The following ZDHHC13 variants were observed in gnomAD, a reference collection of about 807,000 sequenced individuals.
The protein encoded by ZDHHC13 is zDHHC palmitoyltransferase 13.
In ZDHHC13, 85 loss-of-function variants were observed where a neutral mutation model predicts 86.0. That is an observed-to-expected ratio of 0.99 (90% CI 0.83 to 1.18). ZDHHC13 has a LOEUF of 1.18. Among genes scored for constraint, ZDHHC13 ranks in the 50% most tolerant of loss-of-function variants. The pLI is 0.00. For missense variants in ZDHHC13, 711 were observed against 730.2 expected (o/e 0.97, Z 0.30); for synonymous variants, 263 against 246.4 (o/e 1.07, Z -0.63).
rs1850363843 is a variant in ZDHHC13 at position 19,176,359 on chromosome 11, TA to T, written c.*400del. 6.5e-6 allele frequency: 1 copy of T among 153,274 alleles called. No homozygotes were observed. The highest frequency in any genetic ancestry group is 1.5e-5 in the Non-Finnish European group (1 of 68,536). 9.5% of individuals were successfully genotyped at this position (153,274 alleles called of 1,614,324 possible). On this transcript the variant is annotated 3_prime_UTR_variant, in exon 17 of 17. Coordinates refer to ENST00000446113, the MANE Select transcript of ZDHHC13 (RefSeq NM_019028.3). ...GTTGTATCTATAAATATGTAAAAAATATTTAAATAGATGTACCTGTTTTGCT... is the reference window on the plus strand; with the variant it reads ...GTTGTATCTATAAATATGTAAAAAATTTTAAATAGATGTACCTGTTTTGCT...
chr11:19,129,812 G>A (rs957696554), intron 1 of ZDHHC13, among the ~76,000 whole-genome samples: 4 of 152,122 alleles, frequency 2.6e-5, no homozygotes, highest in Admixed American at 2.0e-4. Flanking sequence ...TGAGCTGGGG[G>A]CCGGGTGCGG....
intron 1 of ZDHHC13, among the ~76,000 whole-genome samples, chr11:19,120,061 A>G (rs1265987882): frequency 1.3e-5 from 2 of 152,218 alleles, no homozygotes; most frequent in Non-Finnish European, 2.9e-5. Context: ...ATTCTTATAT[A>G]CAATTTAGAA....
At chr11:19,171,701 G>C (rs1339822220) in intron 15 of ZDHHC13, among the ~76,000 whole-genome samples, 1 of 151,554 alleles carries the variant, frequency 6.6e-6, no homozygotes, top group Admixed American at 6.6e-5. Flanking sequence ...CTTTTTTTCT[G>C]GAATCTTAGA....
In ZDHHC13 at chr11:19,152,204, G is replaced by A; in HGVS notation, c.631G>A (p.Val211Met). 2 of 1,613,296 alleles carry A rather than the reference G, an allele frequency of 1.2e-6. No homozygotes were observed. Among genetic ancestry groups the A allele is most frequent in the Non-Finnish European group, 8.5e-7 (1 of 1,179,446 alleles). The change falls in exon 7 of 17, where the codon GTG becomes ATG. Residue 211 changes from valine to methionine, a missense_variant. Coordinates refer to ENST00000446113, the MANE Select transcript of ZDHHC13 (RefSeq NM_019028.3). ...TTTAAAGTTTAATCCTTCTCTCAAT[G>A]TGGTTGATAAAATACACCAAAACAC... ...FLLKFNPSLN[V>M]VDKIHQNTPL...
At chr11:19,125,893 A>G (rs549943053) in intron 1 of ZDHHC13, among the ~76,000 whole-genome samples, 66 of 152,212 alleles carry the variant, frequency 4.3e-4, no homozygotes, top group Non-Finnish European at 9.0e-4. Flanking sequence ...AGAATTAATG[A>G]CAACAGATCA....
chr11:19,169,904 T>C (rs1850173188), intron 14 of ZDHHC13: 2 of 986,740 alleles, frequency 2.0e-6, no homozygotes, highest in Admixed American at 6.1e-5. Flanking sequence ...ATGGTGTCAG[T>C]GCAGAAGTAT....
At chr11:19,142,509 T>C (rs1037033358) in intron 1 of ZDHHC13, among the ~76,000 whole-genome samples, 23 of 152,140 alleles carry the variant, frequency 1.5e-4, no homozygotes, top group African/African-American at 3.9e-4. Context: ...TCGAGGATAT[T>C]CTTAGGGTAT....
At chr11:19,131,136 A>T (rs997799312) in intron 1 of ZDHHC13, among the ~76,000 whole-genome samples, 1 of 152,132 alleles carries the variant, frequency 6.6e-6, no homozygotes, top group African/African-American at 2.4e-5. Context: ...CTCCTGCCTC[A>T]GCCTCCCGAA....
At chr11:19,137,321 G>T (rs1849170584) in intron 1 of ZDHHC13, among the ~76,000 whole-genome samples, 1 of 152,012 alleles carries the variant, frequency 6.6e-6, no homozygotes, top group Admixed American at 6.6e-5. Flanking sequence ...AGACAAAGAA[G>T]GCCATTACAT....
chr11:19,152,611 A>G lies in ZDHHC13; in HGVS notation c.800A>G (p.His267Arg), dbSNP rs1849644389. Residue 267 changes from histidine to arginine, a missense_variant, in exon 8 of 17, where the codon CAT becomes CGT. By Grantham distance (29) the His-to-Arg change is conservative. Transcript: ENST00000446113. ...CAAAACAAAAATCAGCTCATTATTCATATGCTAAAAACAGAAGCCAAAATG... is the reference window on the plus strand; with the variant it reads ...CAAAACAAAAATCAGCTCATTATTCGTATGCTAAAAACAGAAGCCAAAATG... ...ALQNKNQLII[H>R]MLKTEAKMRA... is the part of the protein sequence containing the mutation. The G allele has an allele frequency of 6.2e-7, 1 of 1,613,390 alleles. No homozygotes were observed. Among genetic ancestry groups the G allele is most frequent in the East Asian group, 2.2e-5 (1 of 44,852 alleles).
At position 19,155,779 on chromosome 11, in the gene ZDHHC13, T is replaced by G. The variant is rs1364652439; in HGVS notation, c.874-17T>G. 6.2e-7 allele frequency: 1 copy of G among 1,606,078 alleles called. No individual in the cohort carries two copies. Among genetic ancestry groups the G allele is most frequent in the African/African-American group, 1.3e-5 (1 of 74,564 alleles). ...GGTAAAATCCATAAAGTTCTAAAATTCTGAATCTCTTAATAGCTCTTCCTG... is the reference window on the plus strand; with the variant it reads ...GGTAAAATCCATAAAGTTCTAAAATGCTGAATCTCTTAATAGCTCTTCCTG... On this transcript the variant is annotated splice_polypyrimidine_tract_variant and intron_variant, in intron 8 of 16. Coordinates refer to ENST00000446113, the MANE Select transcript of ZDHHC13 (RefSeq NM_019028.3).
At chr11:19,158,815 C>T in intron 9 of ZDHHC13, 125 bp from the exon 10 acceptor site, 1 of 602,166 alleles carries the variant, frequency 1.7e-6, no homozygotes. Flanking sequence ...AGTAAGCACT[C>T]AGTATGTGAA....
At chr11:19,171,711 A>C (rs1299484871) in intron 15 of ZDHHC13, among the ~76,000 whole-genome samples, 1 of 152,216 alleles carries the variant, frequency 6.6e-6, no homozygotes, top group Non-Finnish European at 1.5e-5. Flanking sequence ...GGAATCTTAG[A>C]ATAAGTACAA....
In ZDHHC13 at chr11:19,171,566, C is replaced by G. The variant is rs533526072; in HGVS notation, c.1632+998C>G. 2.0e-5 allele frequency among the ~76,000 whole-genome samples: 3 copies of G among 152,134 alleles called. No individual in the cohort carries two copies. In the South Asian group the frequency reaches 6.2e-4, roughly 32 times the overall value. ...GGTTTCCGAACATTCCTCTCACTCT[C>G]CTATCACTCTGACTTCAATAGACTC... On this transcript the variant is annotated intron_variant, in intron 15 of 16. Transcript: ENST00000446113.
At chr11:19,143,420 TC>T (rs1445654838) in intron 2 of ZDHHC13, among the ~76,000 whole-genome samples, 1 of 152,218 alleles carries the variant, frequency 6.6e-6, no homozygotes, top group Non-Finnish European at 1.5e-5. Flanking sequence ...CAATAAATGT[TC>T]CTTGAATGAA....
chr11:19,138,183 AAAAG>A (rs1430648882), intron 1 of ZDHHC13, among the ~76,000 whole-genome samples: 2 of 150,872 alleles, frequency 1.3e-5, no homozygotes, highest in African/African-American at 4.9e-5. Flanking sequence ...AATAAAGAAA[AAAAG>A]AGAGAAGAAT....
chr11:19,160,563 A>G (rs1004811762), intron 10 of ZDHHC13, among the ~76,000 whole-genome samples: 3 of 152,004 alleles, frequency 2.0e-5, no homozygotes, highest in Admixed American at 2.0e-4. Context: ...ATGGCAGTGG[A>G]ATAAAACAGT....
rs1210371822 is a variant in ZDHHC13, at chr11:19,166,379, T to G, written c.1468T>G (p.Phe490Val). ...MVCGWIIYGS[F>V]IYLSSHCATT... The stretch of plus-strand genomic sequence containing the variant: ...ATGTGGCTGGATTATATATGGATCT[T>G]TCATCTGTAAGTGTAAATTTTTCTT... The change falls in exon 14 of 17, where the codon TTC becomes GTC. Residue 490 changes from phenylalanine (F) to valine (V), a missense_variant. By Grantham distance (50) the Phe-to-Val change is conservative. Transcript: ENST00000446113. 2 of 1,610,940 alleles carry G rather than the reference T, an allele frequency of 1.2e-6. No homozygotes were observed. Among genetic ancestry groups the G allele is most frequent in the Non-Finnish European group, 1.7e-6 (2 of 1,178,686 alleles).
At chr11:19,124,989 G>A in intron 1 of ZDHHC13, among the ~76,000 whole-genome samples, 1 of 152,082 alleles carries the variant, frequency 6.6e-6, no homozygotes. Context: ...GAGCCACAAA[G>A]GGATTTCCTG....
Sources: gnomAD v4.1 joint callset for allele counts (sites outside exome capture counted in the v4.1 genomes callset) on GRCh38, gnomAD v4.1.1 for gene constraint, MANE v1.5 for transcripts, NCBI Gene and HGNC (gene_info 2026-07-23, HGNC 2026-07-21) for gene names.